Variants in RORA observed in about 807,000 individuals in gnomAD.
RORA encodes nuclear receptor ROR-alpha.
In RORA, 7 loss-of-function variants were observed where a neutral mutation model predicts 69.5. That is an observed-to-expected ratio of 0.10 (90% CI 0.06 to 0.19). The LOEUF (loss-of-function observed/expected upper bound fraction) is 0.19, where lower values mean the gene tolerates loss of function less well. Among genes scored for constraint, RORA ranks in the 10% least tolerant of loss-of-function variants. RORA has a pLI of 1.00. For synonymous variants in RORA, 261 were observed against 240.8 expected (o/e 1.08, Z -0.78); for missense variants, 457 against 663.0 (o/e 0.69, Z 3.41).
chr15:60,785,850 T>C (rs145549633), intron 1 of RORA, among the ~76,000 whole-genome samples: 1 of 152,364 alleles, frequency 6.6e-6, no homozygotes, highest in Non-Finnish European at 1.5e-5. Flanking sequence ...ACTGTTGTTG[T>C]TTTACATTGA....
At chr15:60,896,445 T>C (rs1891233279) in intron 1 of RORA, among the ~76,000 whole-genome samples, 1 of 152,226 alleles carries the variant, frequency 6.6e-6, no homozygotes, top group Admixed American at 6.5e-5. Context: ...AAACATCCAT[T>C]TGTCAGACAT....
chr15:61,186,808 G>A (rs1314930988), intron 1 of RORA, among the ~76,000 whole-genome samples: 5 of 152,172 alleles, frequency 3.3e-5, no homozygotes, highest in Non-Finnish European at 7.3e-5. Context: ...TCCTACTGTG[G>A]GTTTGGTGAG....
rs1251550258 is a variant in RORA, at chr15:60,884,367, C to T, written c.167-205681G>A. The stretch of plus-strand genomic sequence containing the variant: ...TTTTTTCAAAAGTGCCTCTTTGGGA[C>T]TGCAACCCTGAAAAATGTCATCTGC... On this transcript the variant is annotated intron_variant, in intron 1 of 10. Coordinates refer to ENST00000335670, the MANE Select transcript of RORA (RefSeq NM_134261.3). Among the ~76,000 whole-genome samples, 6 of 150,976 alleles carry T rather than the reference C, an allele frequency of 4.0e-5. No individual in the cohort carries two copies. In the East Asian group the frequency reaches 1.2e-3, roughly 29 times the overall value.
At chr15:61,134,006 T>C (rs1318874320) in intron 1 of RORA, among the ~76,000 whole-genome samples, 7 of 152,212 alleles carry the variant, frequency 4.6e-5, no homozygotes, top group African/African-American at 1.7e-4. Flanking sequence ...TTTTACTATA[T>C]GTCTGATTTC....
intron 1 of RORA, among the ~76,000 whole-genome samples, chr15:60,838,090 C>A (rs956660006): frequency 5.3e-5 from 8 of 152,180 alleles, no homozygotes. Context: ...AATACAGACT[C>A]TGTTCTTACT....
At chr15:60,790,029 C>A (rs1041321368) in intron 1 of RORA, among the ~76,000 whole-genome samples, 4 of 152,196 alleles carry the variant, frequency 2.6e-5, no homozygotes, top group Admixed American at 2.0e-4. Context: ...CCAAGACTCA[C>A]CTTCCTCCAT....
At chr15:60,791,448 C>T (rs1320332151) in intron 1 of RORA, among the ~76,000 whole-genome samples, 1 of 152,160 alleles carries the variant, frequency 6.6e-6, no homozygotes, top group African/African-American at 2.4e-5. Flanking sequence ...GGAGTCTGTC[C>T]CCTGAAACAT....
Position 60,516,121 on chromosome 15 carries a change from A to AT in RORA, c.283-1365dup, listed in dbSNP as rs1328591958. ...TATATTTATATATTATATTATATAT[A>AT]TTATATTAAATATATTTATATATAT... On this transcript the variant is annotated intron_variant, in intron 3 of 10. Transcript: ENST00000335670. Among the ~76,000 whole-genome samples the AT allele has an allele frequency of 1.7e-4, 12 of 68,998 alleles. 2 individuals carry two copies. Among genetic ancestry groups the AT allele is most frequent in the Non-Finnish European group, 2.7e-4 (10 of 37,448 alleles). 45.3% of individuals were successfully genotyped at this position (68,998 alleles called of 152,430 possible).
At chr15:61,070,151 A>T (rs559415920) in intron 1 of RORA, among the ~76,000 whole-genome samples, 1 of 152,342 alleles carries the variant, frequency 6.6e-6, no homozygotes, top group East Asian at 1.9e-4. Context: ...AGAAGAATAC[A>T]TAAAGTCCTC....
chr15:61,009,218 T>A (rs1226724612), intron 1 of RORA, among the ~76,000 whole-genome samples: 3 of 152,254 alleles, frequency 2.0e-5, no homozygotes. Flanking sequence ...ATGCTGCCTT[T>A]CTTTCCCTAT....
chr15:60,760,718 G>T (rs1358147938), intron 1 of RORA, among the ~76,000 whole-genome samples: 1 of 152,166 alleles, frequency 6.6e-6, no homozygotes, highest in Non-Finnish European at 1.5e-5. Flanking sequence ...CTAAGGAACA[G>T]CAAAGAAGGA....
At chr15:60,903,926 T>C (rs1891460802) in intron 1 of RORA, among the ~76,000 whole-genome samples, 1 of 152,234 alleles carries the variant, frequency 6.6e-6, no homozygotes, top group Non-Finnish European at 1.5e-5. Context: ...TTTGCATTCA[T>C]ATACGACGTA....
chr15:60,734,721 G>T (rs2071476100), intron 1 of RORA, among the ~76,000 whole-genome samples: 1 of 152,208 alleles, frequency 6.6e-6, no homozygotes, highest in African/African-American at 2.4e-5. Context: ...ATAACATGCT[G>T]CAGAAAGATA....
intron 1 of RORA, among the ~76,000 whole-genome samples, chr15:61,174,713 G>A (rs1249652850): frequency 6.6e-6 from 1 of 152,154 alleles, no homozygotes; most frequent in East Asian, 1.9e-4. Flanking sequence ...GTAAACCTCA[G>A]CCATACAACC....
At chr15:60,923,592 A>G (rs570662296) in intron 1 of RORA, among the ~76,000 whole-genome samples, 1 of 152,236 alleles carries the variant, frequency 6.6e-6, no homozygotes, top group Non-Finnish European at 1.5e-5. Context: ...TTTTTAAAAA[A>G]GGCACATAAT....
intron 1 of RORA, among the ~76,000 whole-genome samples, chr15:61,032,382 T>C (rs138347464): frequency 1.3e-5 from 2 of 152,258 alleles, no homozygotes; most frequent in African/African-American, 4.8e-5. Context: ...TGAGACTGAG[T>C]CATATGAAAT....
intron 2 of RORA, among the ~76,000 whole-genome samples, chr15:60,676,381 A>G (rs185648274): frequency 6.6e-6 from 1 of 152,200 alleles, no homozygotes; most frequent in Non-Finnish European, 1.5e-5. Context: ...TCTCCTTGGC[A>G]TATGTAAAGT....
At chr15:60,630,196 C>T (rs1217911588) in intron 2 of RORA, among the ~76,000 whole-genome samples, 1 of 152,206 alleles carries the variant, frequency 6.6e-6, no homozygotes, top group Non-Finnish European at 1.5e-5. Context: ...TCAGAATATA[C>T]ATTCCCTGAT....
chr15:61,217,478 A>G (rs2080050822), intron 1 of RORA, among the ~76,000 whole-genome samples: 1 of 152,116 alleles, frequency 6.6e-6, no homozygotes, highest in Non-Finnish European at 1.5e-5. Context: ...GAGGAGGGGA[A>G]AGGTGAAGGC....
Sources: allele counts gnomAD v4.1 joint callset (sites outside exome capture counted in the v4.1 genomes callset), GRCh38; gene constraint gnomAD v4.1.1; transcripts MANE v1.5; gene names NCBI Gene and HGNC (gene_info 2026-07-23, HGNC 2026-07-21).